FSTL5: variants seen among roughly 807,000 people sequenced by gnomAD.
FSTL5 encodes the protein follistatin like 5, also known as follistatin-related protein 5.
Under a neutral mutation model 89.1 loss-of-function variants are expected in FSTL5, and 62 were observed. The ratio of observed to expected loss-of-function variants is 0.70; its 90% CI spans 0.57 to 0.86. The LOEUF is 0.86. Among genes scored for constraint, FSTL5 ranks in the 40% least tolerant of loss-of-function variants. FSTL5 has a pLI of 0.00. For missense variants in FSTL5, 1,057 were observed against 1,001.6 expected, an observed-to-expected ratio of 1.06 and a Z score of -0.75; for synonymous variants, 383 against 346.2, an observed-to-expected ratio of 1.11 and a Z score of -1.18.
intron 3 of FSTL5, among the ~76,000 whole-genome samples, chr4:161,953,627 A>C (rs1734955707): frequency 6.6e-6 from 1 of 151,648 alleles, no homozygotes; most frequent in Non-Finnish European, 1.5e-5. Context: ...AAAGGCAAAT[A>C]ATCATTTTAT....
intron 3 of FSTL5, among the ~76,000 whole-genome samples, chr4:161,977,130 G>C (rs756033446): frequency 6.6e-6 from 1 of 152,162 alleles, no homozygotes; most frequent in Non-Finnish European, 1.5e-5. Context: ...TACAATGCCT[G>C]AGAAGAAATG....
chr4:162,100,872 C>T (rs539072022), intron 2 of FSTL5, among the ~76,000 whole-genome samples: 3 of 152,076 alleles, frequency 2.0e-5, no homozygotes, highest in Admixed American at 1.3e-4. Flanking sequence ...AGAAAAGAGG[C>T]CCTTAACTCA....
In FSTL5 at chr4:161,478,953, T is replaced by C. The variant is rs192332751; in HGVS notation, c.1608+2067A>G. Among the ~76,000 whole-genome samples the C allele has an allele frequency of 2.9e-3, 439 of 152,244 alleles. 4 individuals are homozygous for C. Among genetic ancestry groups the C allele is most frequent in the African/African-American group, 0.01 (427 of 41,572 alleles). The stretch of plus-strand genomic sequence containing the variant: ...AGCCAGATTCAGATTGTGAATATCA[T>C]ACATATCCATTTATGCTCAAAATCA... On this transcript the variant is annotated intron_variant, in intron 13 of 15. Transcript: ENST00000306100.
chr4:161,751,251 G>T (rs1249096349), intron 6 of FSTL5, among the ~76,000 whole-genome samples: 1 of 152,054 alleles, frequency 6.6e-6, no homozygotes, highest in Non-Finnish European at 1.5e-5. Flanking sequence ...GTTGAAATTG[G>T]TATTGCTTCT....
intron 3 of FSTL5, among the ~76,000 whole-genome samples, chr4:161,957,646 C>A (rs1735060125): frequency 6.6e-6 from 1 of 152,050 alleles, no homozygotes; most frequent in Non-Finnish European, 1.5e-5. Context: ...CAGACCGAGT[C>A]CTTTTCCATT....
chr4:161,904,739 T>G (rs1733472901), intron 4 of FSTL5, among the ~76,000 whole-genome samples: 1 of 151,914 alleles, frequency 6.6e-6, no homozygotes, highest in South Asian at 2.1e-4. Context: ...CCAATATAAA[T>G]GTGCCTTCTT....
chr4:161,832,490 G>T (rs144757078), intron 4 of FSTL5, among the ~76,000 whole-genome samples: 4,849 of 152,190 alleles, frequency 0.032, 151 homozygotes, highest in East Asian at 0.14. Context: ...GTAGAATTCG[G>T]CTGTGAATCC....
At chr4:161,425,189 C>T (rs72973166) in intron 15 of FSTL5, among the ~76,000 whole-genome samples, 10 of 152,090 alleles carry the variant, frequency 6.6e-5, no homozygotes, top group East Asian at 3.9e-4. Flanking sequence ...TTCAATTTTA[C>T]GAATTTTTTT....
At chr4:161,891,731 T>C (rs973962516) in intron 4 of FSTL5, among the ~76,000 whole-genome samples, 4 of 152,222 alleles carry the variant, frequency 2.6e-5, no homozygotes, top group South Asian at 4.1e-4. Flanking sequence ...TCATGTCACA[T>C]AATTTATCCA....
intron 7 of FSTL5, among the ~76,000 whole-genome samples, chr4:161,625,549 C>G (rs780873648): frequency 1.3e-5 from 2 of 152,106 alleles, no homozygotes; most frequent in Non-Finnish European, 2.9e-5. Context: ...CTTCATCTCT[C>G]TCACTATCCT....
chr4:161,510,135 T>A (rs1055238343), intron 11 of FSTL5, among the ~76,000 whole-genome samples: 1 of 152,150 alleles, frequency 6.6e-6, no homozygotes, highest in Non-Finnish European at 1.5e-5. Flanking sequence ...TGCTTTTGTT[T>A]CTTTGGTGTA....
chr4:161,513,272 GGA>G (rs6148753), intron 10 of FSTL5, among the ~76,000 whole-genome samples: 2,726 of 109,894 alleles, frequency 0.025, 64 homozygotes, highest in African/African-American at 0.047. Flanking sequence ...ACAAGGAGGG[GGA>G]GAGAGAGAGA....
At chr4:161,649,461 G>A (rs373867929) in intron 7 of FSTL5, among the ~76,000 whole-genome samples, 2 of 152,008 alleles carry the variant, frequency 1.3e-5, no homozygotes, top group East Asian at 3.9e-4. Context: ...TTAAGAAGAG[G>A]CCTATAAAAG....
At chr4:162,024,140 T>C (rs1436946928) in intron 3 of FSTL5, among the ~76,000 whole-genome samples, 1 of 152,164 alleles carries the variant, frequency 6.6e-6, no homozygotes, top group Non-Finnish European at 1.5e-5. Flanking sequence ...ATGCAAACTT[T>C]ATTTAAAAAA....
intron 1 of FSTL5, among the ~76,000 whole-genome samples, chr4:162,124,080 TTA>T (rs562211864): frequency 8.9e-4 from 135 of 152,284 alleles, no homozygotes; most frequent in African/African-American, 3.0e-3. Flanking sequence ...ACACTTAAAA[TTA>T]TATGTCTTAT....
At chr4:162,021,700 C>T (rs574706957) in intron 3 of FSTL5, among the ~76,000 whole-genome samples, 1 of 152,196 alleles carries the variant, frequency 6.6e-6, no homozygotes, top group South Asian at 2.1e-4. Flanking sequence ...AAGTCAAATG[C>T]AGCATGTTCT....
chr4:161,614,301 C>T (rs1385849901), intron 7 of FSTL5, among the ~76,000 whole-genome samples: 1 of 152,092 alleles, frequency 6.6e-6, no homozygotes. Flanking sequence ...TGATGTTTAA[C>T]AATTGTATGA....
chr4:161,552,861 C>A (rs1732263420), intron 8 of FSTL5, among the ~76,000 whole-genome samples: 1 of 151,618 alleles, frequency 6.6e-6, no homozygotes, highest in Non-Finnish European at 1.5e-5. Flanking sequence ...TAAATGAGGA[C>A]TGATGGCAGC....
chr4:161,937,377 A>G (rs754876233), intron 3 of FSTL5, among the ~76,000 whole-genome samples: 13 of 152,148 alleles, frequency 8.5e-5, no homozygotes, highest in Non-Finnish European at 1.5e-4. Flanking sequence ...TAAAATTATT[A>G]AAATATTTCC....
Sources: allele counts gnomAD v4.1 joint callset (sites outside exome capture counted in the v4.1 genomes callset), GRCh38; gene constraint gnomAD v4.1.1; transcripts MANE v1.5; gene names NCBI Gene and HGNC (gene_info 2026-07-23, HGNC 2026-07-21).